The following CCNI variants were observed in gnomAD, a reference collection of about 807,000 sequenced individuals.
The protein encoded by CCNI is cyclin-I.
In CCNI, 14 loss-of-function variants were observed where a neutral mutation model predicts 34.1. The observed-to-expected ratio is 0.41, with a 90% confidence interval of 0.27 to 0.64. CCNI has a LOEUF of 0.64. Among genes scored for constraint, CCNI ranks in the 30% least tolerant of loss-of-function variants. The probability of loss-of-function intolerance (pLI) is 0.31; values close to 1 mark genes in which losing one functional copy is unlikely to be tolerated. For synonymous variants in CCNI, 154 were observed against 158.4 expected (o/e 0.97, Z 0.21); for missense variants, 385 against 440.5 (o/e 0.87, Z 1.13).
At chr4:77,055,669 G>T (rs1371261582) in intron 5 of CCNI, among the ~76,000 whole-genome samples, 2 of 152,026 alleles carry the variant, frequency 1.3e-5, no homozygotes, top group African/African-American at 4.8e-5. Context: ...GTTTCACCAT[G>T]TTGGCCAGGC....
At chr4:77,064,178 G>A (rs957015181) in intron 2 of CCNI, among the ~76,000 whole-genome samples, 3 of 151,858 alleles carry the variant, frequency 2.0e-5, no homozygotes, top group East Asian at 1.9e-4. Context: ...GGGAGGCCGA[G>A]GTTACAGTGA....
intron 2 of CCNI, among the ~76,000 whole-genome samples, chr4:77,060,550 C>CA (rs1349081919): frequency 2.0e-5 from 3 of 151,300 alleles, no homozygotes. Context: ...CTCGACCTCC[C>CA]AGCCCCAAGT....
intron 1 of CCNI, among the ~76,000 whole-genome samples, chr4:77,067,393 C>T (rs1729113414): frequency 6.6e-6 from 1 of 152,148 alleles, no homozygotes; most frequent in Non-Finnish European, 1.5e-5. Context: ...TAGAAAGCTC[C>T]ACAGTACATT....
chr4:77,061,964 C>G (rs138846042), intron 2 of CCNI, among the ~76,000 whole-genome samples: 1 of 152,132 alleles, frequency 6.6e-6, no homozygotes, highest in Non-Finnish European at 1.5e-5. Flanking sequence ...CCACCATGCC[C>G]GGCTATGACC....
chr4:77,067,217 G>A (rs1488163643), intron 1 of CCNI, among the ~76,000 whole-genome samples: 1 of 151,754 alleles, frequency 6.6e-6, no homozygotes, highest in East Asian at 1.9e-4. Flanking sequence ...GGGCAACAGG[G>A]TGACACTCCG....
chr4:77,055,510 T>C, intron 5 of CCNI, 130 bp from the exon 6 acceptor site: 1 of 648,746 alleles, frequency 1.5e-6, no homozygotes, highest in Non-Finnish European at 2.6e-6. Flanking sequence ...TTGCCCAGGC[T>C]GGAGTGCAGT....
intron 2 of CCNI, among the ~76,000 whole-genome samples, chr4:77,059,153 A>T (rs776112550): frequency 1.2e-4 from 18 of 152,138 alleles, no homozygotes; most frequent in Non-Finnish European, 2.2e-4. Flanking sequence ...ACACTTAGAG[A>T]TGATGAAAAA....
At position 77,047,326 on chromosome 4, in the gene CCNI, C is replaced by T; in HGVS notation, c.*893G>A. On this transcript the variant is annotated 3_prime_UTR_variant, in exon 7 of 7. Coordinates refer to ENST00000237654, the MANE Select transcript of CCNI (RefSeq NM_006835.3). Reference sequence around the variant, plus strand: ...CTATTAGAAAATCCTAATAGCTTAACAAAACTAGGGTACTAAATTCAGTTA... The same window carrying T: ...CTATTAGAAAATCCTAATAGCTTAATAAAACTAGGGTACTAAATTCAGTTA... The T allele has an allele frequency of 6.6e-6, 1 of 152,082 alleles. No homozygotes were observed. The highest frequency in any genetic ancestry group is 1.5e-5 in the Non-Finnish European group (1 of 68,014). The allele number at this position is 152,082 out of a possible 1,614,324, so 9.4% of individuals were successfully genotyped here.
In CCNI at chr4:77,049,492, C is replaced by CA. The variant is rs548069030; in HGVS notation, c.691-831dup. 5.3e-4 allele frequency among the ~76,000 whole-genome samples: 80 copies of CA among 152,260 alleles called. 4 individuals are homozygous for CA. The South Asian group carries it at 0.015, about 29-fold the overall frequency. On this transcript the variant is annotated intron_variant, in intron 6 of 6. Coordinates refer to ENST00000237654, the MANE Select transcript of CCNI (RefSeq NM_006835.3). The stretch of plus-strand genomic sequence containing the variant: ...CAGAAGTTCAGACCAGCCTGGCCAA[C>CA]ATGGCGAAACCCCTTCTCTACTAAA...
At chr4:77,067,498 T>C (rs190500051) in intron 1 of CCNI, among the ~76,000 whole-genome samples, 127 of 152,014 alleles carry the variant, frequency 8.4e-4, no homozygotes, top group Non-Finnish European at 1.5e-3. Context: ...GGTTTTATGT[T>C]TATATGTATT....
In CCNI at chr4:77,061,997, T is replaced by C. The variant is rs570139522; in HGVS notation, c.115-3362A>G. Among the ~76,000 whole-genome samples, 7 of 152,274 alleles carry C rather than the reference T, an allele frequency of 4.6e-5. No individual in the cohort carries two copies. In the South Asian group the frequency reaches 1.5e-3, roughly 32 times the overall value. Reference sequence around the variant, plus strand: ...ACCTACCTCTCTAACCTCGGACATCTTCCATCACTTTCTGTCTTAAACTTC... The same window carrying C: ...ACCTACCTCTCTAACCTCGGACATCCTCCATCACTTTCTGTCTTAAACTTC... On this transcript the variant is annotated intron_variant, in intron 2 of 6. Coordinates refer to ENST00000237654, the MANE Select transcript of CCNI (RefSeq NM_006835.3).
intron 6 of CCNI, among the ~76,000 whole-genome samples, chr4:77,049,188 T>C (rs1327444383): frequency 6.6e-6 from 1 of 152,110 alleles, no homozygotes; most frequent in African/African-American, 2.4e-5. Context: ...TTTAGAAATA[T>C]GTATTTTGTA....
chr4:77,053,927 T>G (rs4252912), intron 6 of CCNI, among the ~76,000 whole-genome samples: 124 of 152,270 alleles, frequency 8.1e-4, no homozygotes, highest in Non-Finnish European at 1.5e-3. Context: ...ATTTAATTAT[T>G]TTAATCTAAG....
chr4:77,066,161 T>A (rs369834175), intron 2 of CCNI, 88 bp downstream of exon 2: 13 of 1,064,738 alleles, frequency 1.2e-5, no homozygotes, highest in African/African-American at 6.3e-5. Flanking sequence ...TACACACTCC[T>A]CCAATGTAGT....
Position 77,066,546 on chromosome 4 carries a change from A to G in CCNI, c.-43-141T>C, listed in dbSNP as rs1729051898. 3 of 566,432 alleles carry G rather than the reference A, an allele frequency of 5.3e-6. No homozygotes were observed. The East Asian group carries it at 9.6e-5, about 18-fold the overall frequency. The allele number at this position is 566,432 out of a possible 1,614,324, so 35.1% of individuals were successfully genotyped here. On this transcript the variant is annotated intron_variant, in intron 1 of 6. Coordinates refer to ENST00000237654, the MANE Select transcript of CCNI (RefSeq NM_006835.3). ...TATAGCTCTTTAAAATATCGTATTA[A>G]AATACCAAAATAATCAGTTATCTAA...
chr4:77,066,076 G>A (rs926325871), intron 2 of CCNI, 173 bp downstream of exon 2: 5 of 575,418 alleles, frequency 8.7e-6, no homozygotes, highest in African/African-American at 7.6e-5. Context: ...ACTCCAGACT[G>A]GATGACAGAG....
At position 77,075,616 on chromosome 4, in the gene CCNI, G is replaced by C; in HGVS notation, c.-188C>G. On this transcript the variant is annotated 5_prime_UTR_variant, in exon 1 of 7. Transcript: ENST00000237654. ...CGCGCGGGACGACTCGGCCAACTGA[G>C]GAGGGAGAAAGGGGAAGCGGATCGG... 3 of 975,872 alleles carry C rather than the reference G, an allele frequency of 3.1e-6. No homozygotes were observed. Among genetic ancestry groups the C allele is most frequent in the Non-Finnish European group, 3.7e-6 (3 of 819,506 alleles). 60.5% of individuals were successfully genotyped at this position (975,872 alleles called of 1,614,324 possible).
chr4:77,072,250 T>A (rs766930484), intron 1 of CCNI, among the ~76,000 whole-genome samples: 1 of 151,836 alleles, frequency 6.6e-6, no homozygotes, highest in Non-Finnish European at 1.5e-5. Flanking sequence ...AAAAAAAGAA[T>A]CACTCTTTGC....
At chr4:77,057,455 T>C (rs971667997) in intron 3 of CCNI, among the ~76,000 whole-genome samples, 1 of 152,242 alleles carries the variant, frequency 6.6e-6, no homozygotes, top group Non-Finnish European at 1.5e-5. Flanking sequence ...TTTGAGCAGC[T>C]ATTCAGTCTT....
Sources: gnomAD v4.1 joint callset for allele counts (sites outside exome capture counted in the v4.1 genomes callset) on GRCh38, gnomAD v4.1.1 for gene constraint, MANE v1.5 for transcripts, NCBI Gene and HGNC (gene_info 2026-07-23, HGNC 2026-07-21) for gene names.